The following MAL2 variants were observed in gnomAD, a reference collection of about 807,000 sequenced individuals.
MAL2 encodes mal, T cell differentiation protein 2, also known as protein MAL2.
MAL2 carries 17 observed loss-of-function variants against 18.1 expected under a neutral mutation model. The ratio of observed to expected loss-of-function variants is 0.94; its 90% CI spans 0.64 to 1.41. The LOEUF (loss-of-function observed/expected upper bound fraction) is 1.41, where lower values mean the gene tolerates loss of function less well. Among genes scored for constraint, MAL2 ranks in the 40% most tolerant of loss-of-function variants. The pLI, the probability that MAL2 is intolerant of heterozygous loss-of-function variation, is 0.00. For missense variants in MAL2, 222 were observed against 231.9 expected, an observed-to-expected ratio of 0.96 and a Z score of 0.28; for synonymous variants, 102 against 102.3, an observed-to-expected ratio of 1.00 and a Z score of 0.02.
chr8:119,211,552 A>G (rs537497422), intron 1 of MAL2, among the ~76,000 whole-genome samples: 2 of 152,170 alleles, frequency 1.3e-5, no homozygotes, highest in Non-Finnish European at 2.9e-5. Context: ...CCCTTAACGT[A>G]TTCTATTCAC....
chr8:119,229,969 C>T (rs2129854085), intron 2 of MAL2, among the ~76,000 whole-genome samples: 1 of 152,304 alleles, frequency 6.6e-6, no homozygotes, highest in Admixed American at 6.5e-5. Flanking sequence ...AGGTCAATAT[C>T]ATATGTGCCC....
At chr8:119,215,652 T>G (rs1421181894) in intron 1 of MAL2, 1 of 152,242 alleles carries the variant, frequency 6.6e-6, no homozygotes, top group Non-Finnish European at 1.5e-5. Context: ...AACTGGAGTT[T>G]AGTTATGCAG....
At chr8:119,242,900 G>A (rs922744472) in intron 3 of MAL2, among the ~76,000 whole-genome samples, 1 of 152,190 alleles carries the variant, frequency 6.6e-6, no homozygotes, top group African/African-American at 2.4e-5. Context: ...CAAGTAGAGT[G>A]CAGATTTGTA....
intron 2 of MAL2, among the ~76,000 whole-genome samples, chr8:119,234,791 C>A (rs1346554779): frequency 1.3e-5 from 2 of 151,608 alleles, no homozygotes; most frequent in East Asian, 1.9e-4. Context: ...AGGACATCCA[C>A]ACCGAAAACC....
At chr8:119,241,164 G>A (rs1033647074) in intron 3 of MAL2, among the ~76,000 whole-genome samples, 2 of 152,098 alleles carry the variant, frequency 1.3e-5, no homozygotes, top group African/African-American at 4.8e-5. Context: ...TTTCTATAAT[G>A]ACAGGAATAT....
chr8:119,219,119 ATGTT>A (rs991549014), intron 1 of MAL2, among the ~76,000 whole-genome samples: 1 of 152,182 alleles, frequency 6.6e-6, no homozygotes, highest in African/African-American at 2.4e-5. Context: ...TGGTGGTTAA[ATGTT>A]TAAGATGCAC....
intron 2 of MAL2, among the ~76,000 whole-genome samples, chr8:119,230,900 C>G (rs983002027): frequency 3.3e-5 from 5 of 152,134 alleles, no homozygotes; most frequent in African/African-American, 1.2e-4. Context: ...TTTCTTAAAT[C>G]TTTTGAAGGC....
intron 2 of MAL2, among the ~76,000 whole-genome samples, chr8:119,235,013 G>A (rs954877883): frequency 9.2e-5 from 14 of 151,932 alleles, no homozygotes; most frequent in African/African-American, 3.4e-4. Flanking sequence ...ATTACTCTGA[G>A]CTACAGGAGG....
chr8:119,231,825 C>T (rs1247397465), intron 2 of MAL2, among the ~76,000 whole-genome samples: 1 of 151,772 alleles, frequency 6.6e-6, no homozygotes, highest in Admixed American at 6.6e-5. Flanking sequence ...ACGGAAAGAC[C>T]AATACCGCAT....
chr8:119,238,481 CA>C (rs1563778183), intron 2 of MAL2, among the ~76,000 whole-genome samples: 1 of 151,008 alleles, frequency 6.6e-6, no homozygotes, highest in African/African-American at 2.4e-5. Flanking sequence ...AATCCTAAGC[CA>C]AAAGAACAAA....
At chr8:119,238,488 A>G (rs963028473) in intron 2 of MAL2, among the ~76,000 whole-genome samples, 1 of 151,826 alleles carries the variant, frequency 6.6e-6, no homozygotes, top group Admixed American at 6.6e-5. Context: ...AGCCAAAAGA[A>G]CAAAGCTGGA....
intron 3 of MAL2, among the ~76,000 whole-genome samples, chr8:119,242,578 C>G (rs1007705582): frequency 2.6e-5 from 4 of 152,020 alleles, no homozygotes; most frequent in Admixed American, 6.6e-5. Flanking sequence ...AAAACAATGT[C>G]TAGATTAGAA....
rs746058053 is a variant in MAL2 at position 119,240,296 on chromosome 8, G to C, written c.435G>C (p.Gln145His). ...ITGQPLLSDN[Q>H]YNINVAASIF... ...GGCAGCCACTCCTGAGTGATAACCA[G>C]TATAACATAAACGTAGCAGCCTCAG... Residue 145 changes from glutamine (Q) to histidine (H), a missense_variant, in exon 3 of 4, where the codon CAG becomes CAC. Coordinates refer to ENST00000614891, the MANE Select transcript of MAL2 (RefSeq NM_052886.3). 1 of 1,613,488 alleles carries C rather than the reference G, an allele frequency of 6.2e-7. No homozygotes were observed.
intron 2 of MAL2, among the ~76,000 whole-genome samples, chr8:119,224,483 CT>C (rs1458767948): frequency 6.6e-6 from 1 of 152,170 alleles, no homozygotes; most frequent in African/African-American, 2.4e-5. Context: ...CAAAGTATAA[CT>C]GGCACACATT....
chr8:119,236,425 A>G (rs1026035506), intron 2 of MAL2, among the ~76,000 whole-genome samples: 2 of 151,704 alleles, frequency 1.3e-5, no homozygotes, highest in Admixed American at 6.6e-5. Flanking sequence ...AATTGAACTC[A>G]GCTCTGCACC....
At chr8:119,221,304 T>C (rs1817459883) in intron 1 of MAL2, 1 of 293,300 alleles carries the variant, frequency 3.4e-6, no homozygotes, top group African/African-American at 2.1e-5. Context: ...TTGTCAATGA[T>C]GAAGGAATAC....
At chr8:119,231,048 T>C (rs963723010) in intron 2 of MAL2, among the ~76,000 whole-genome samples, 16 of 152,186 alleles carry the variant, frequency 1.1e-4, no homozygotes. Flanking sequence ...TTTGTTTGTT[T>C]TGAGGCAGAG....
chr8:119,214,405 A>T (rs1817312492), intron 1 of MAL2, among the ~76,000 whole-genome samples: 1 of 152,234 alleles, frequency 6.6e-6, no homozygotes, highest in East Asian at 1.9e-4. Flanking sequence ...TATAGACAAC[A>T]TATATAACAA....
At chr8:119,236,926 A>G (rs1817913736) in intron 2 of MAL2, among the ~76,000 whole-genome samples, 1 of 150,176 alleles carries the variant, frequency 6.7e-6, no homozygotes, top group South Asian at 2.1e-4. Flanking sequence ...AGCAGAAGGC[A>G]AGAAATAACT....
Sources: gnomAD v4.1 joint callset for allele counts (sites outside exome capture counted in the v4.1 genomes callset) on GRCh38, gnomAD v4.1.1 for gene constraint, MANE v1.5 for transcripts, NCBI Gene and HGNC (gene_info 2026-07-23, HGNC 2026-07-21) for gene names.